The following PRELID2 variants were observed in gnomAD, a reference collection of about 807,000 sequenced individuals.
The protein encoded by PRELID2 is PRELI domain containing 2, also known as PRELI domain-containing protein 2.
PRELID2 carries 25 observed loss-of-function variants against 28.4 expected under a neutral mutation model. That is an observed-to-expected ratio of 0.88 (90% confidence interval 0.64 to 1.23). PRELID2 has a LOEUF of 1.23. PRELID2 is among the 50% of genes most tolerant of loss of function. The pLI, the probability that PRELID2 is intolerant of heterozygous loss-of-function variation, is 0.00. For synonymous variants in PRELID2, 76 were observed against 71.6 expected (o/e 1.06, Z -0.31); for missense variants, 201 against 214.4 (o/e 0.94, Z 0.39).
chr5:145,529,993 A>C (rs534685527), intron 1 of PRELID2, among the ~76,000 whole-genome samples: 65 of 152,294 alleles, frequency 4.3e-4, no homozygotes, highest in African/African-American at 1.5e-3. Flanking sequence ...GATCTGCTTT[A>C]CTGAAAGCAG....
At chr5:145,382,191 A>G in the PRELID2 span, among the ~76,000 whole-genome samples, 1 of 152,012 alleles carries the variant, frequency 6.6e-6, no homozygotes, top group Non-Finnish European at 1.5e-5. Context: ...TTGAAGACAG[A>G]GCAATAAAAA....
At chr5:145,254,405 C>T in the PRELID2 span, among the ~76,000 whole-genome samples, 2 of 152,224 alleles carry the variant, frequency 1.3e-5, no homozygotes, top group Middle Eastern at 3.4e-3. Context: ...ATTTTGCTCT[C>T]TGTTCAAAAC....
At chr5:145,554,684 T>C (rs2126684994) in intron 1 of PRELID2, among the ~76,000 whole-genome samples, 1 of 152,350 alleles carries the variant, frequency 6.6e-6, no homozygotes, top group South Asian at 2.1e-4. Context: ...AATGGATCTT[T>C]TATAATCAGA....
the PRELID2 span, among the ~76,000 whole-genome samples, chr5:145,440,474 T>C: frequency 3.9e-5 from 6 of 152,138 alleles, no homozygotes; most frequent in East Asian, 1.9e-4. Context: ...ATACCAGTTG[T>C]ATCTTGATTT....
the PRELID2 span, among the ~76,000 whole-genome samples, chr5:145,450,220 C>T: frequency 1.6e-4 from 25 of 152,106 alleles, no homozygotes; most frequent in Non-Finnish European, 2.8e-4. Context: ...TCCCTCATTG[C>T]AAAACACAGA....
chr5:145,825,225 C>CAAAAAACAAAAAAAAAAAAAA (rs1755099250), intron 1 of PRELID2, among the ~76,000 whole-genome samples: 1 of 60,402 alleles, frequency 1.7e-5, no homozygotes, highest in African/African-American at 5.4e-5. Context: ...GACTCTGTCT[C>CAAAAAACAAAAAAAAAAAAAA]AAAAAAAAAA....
intron 1 of PRELID2, among the ~76,000 whole-genome samples, chr5:145,665,407 C>T (rs751057359): frequency 6.6e-6 from 1 of 152,068 alleles, no homozygotes; most frequent in African/African-American, 2.4e-5. Flanking sequence ...TGGGAAAAGA[C>T]AGCAATTATG....
the PRELID2 span, among the ~76,000 whole-genome samples, chr5:145,462,091 C>T: frequency 3.1e-3 from 470 of 152,270 alleles, 4 homozygotes; most frequent in African/African-American, 0.01. Flanking sequence ...GATCTACCTA[C>T]GGCCATGCCC....
chr5:145,255,153 G>A, the PRELID2 span, among the ~76,000 whole-genome samples: 1 of 151,984 alleles, frequency 6.6e-6, no homozygotes, highest in Admixed American at 6.6e-5. Context: ...GTAATATTTG[G>A]CATTCAATTA....
At chr5:145,741,118 T>C (rs1756706756) in intron 1 of PRELID2, among the ~76,000 whole-genome samples, 1 of 117,086 alleles carries the variant, frequency 8.5e-6, no homozygotes, top group Non-Finnish European at 1.6e-5. Context: ...TACATATAAA[T>C]ATATAATATA....
At chr5:145,536,845 T>C (rs2126667391) in intron 1 of PRELID2, among the ~76,000 whole-genome samples, 1 of 152,052 alleles carries the variant, frequency 6.6e-6, no homozygotes. Flanking sequence ...TTTTGGTGTA[T>C]ATTTCATAAG....
At chr5:145,327,958 T>C in the PRELID2 span, among the ~76,000 whole-genome samples, 3 of 151,672 alleles carry the variant, frequency 2.0e-5, no homozygotes, top group South Asian at 4.2e-4. Flanking sequence ...CAACAGGCCC[T>C]GGTATGTGAT....
At chr5:145,569,628 A>G (rs1239226385) in intron 1 of PRELID2, among the ~76,000 whole-genome samples, 1 of 152,240 alleles carries the variant, frequency 6.6e-6, no homozygotes, top group Admixed American at 6.5e-5. Context: ...CAAGATCTCA[A>G]AAAACCTATG....
intron 1 of PRELID2, among the ~76,000 whole-genome samples, chr5:145,685,146 C>T (rs1441059016): frequency 6.6e-6 from 1 of 152,140 alleles, no homozygotes; most frequent in Non-Finnish European, 1.5e-5. Context: ...TTCAGCTTTG[C>T]CCCTAAACCT....
the PRELID2 span, among the ~76,000 whole-genome samples, chr5:145,305,451 T>C: frequency 6.6e-6 from 1 of 152,122 alleles, no homozygotes; most frequent in African/African-American, 2.4e-5. Context: ...TAGGTCAATT[T>C]TCCACAGAAG....
chr5:145,628,085 TG>T (rs1753876748), intron 1 of PRELID2, among the ~76,000 whole-genome samples: 1 of 152,150 alleles, frequency 6.6e-6, no homozygotes, highest in South Asian at 2.1e-4. Flanking sequence ...ATACATGACT[TG>T]GGAACTATTT....
At chr5:145,323,229 C>G in the PRELID2 span, among the ~76,000 whole-genome samples, 1 of 150,434 alleles carries the variant, frequency 6.6e-6, no homozygotes, top group East Asian at 2.0e-4. Context: ...AAGGGCATGG[C>G]AGGGGACCTG....
At chr5:145,456,777 A>C in the PRELID2 span, among the ~76,000 whole-genome samples, 2 of 152,162 alleles carry the variant, frequency 1.3e-5, no homozygotes, top group African/African-American at 4.8e-5. Flanking sequence ...AGCTAAGGGA[A>C]TTTAAATGTT....
the PRELID2 span, among the ~76,000 whole-genome samples, chr5:145,293,538 C>T: frequency 6.6e-6 from 1 of 152,152 alleles, no homozygotes; most frequent in Admixed American, 6.6e-5. Flanking sequence ...GTCTAAACTC[C>T]TAACCATTTA....
Sources: allele counts gnomAD v4.1 joint callset (sites outside exome capture counted in the v4.1 genomes callset), GRCh38; gene constraint gnomAD v4.1.1; transcripts MANE v1.5; gene names NCBI Gene and HGNC (gene_info 2026-07-23, HGNC 2026-07-21).